The following SREK1IP1 variants were observed in gnomAD, a reference collection of about 807,000 sequenced individuals.
SREK1IP1 encodes SREK1 interacting protein 1, also known as protein SREK1IP1.
In SREK1IP1, 12 loss-of-function variants were observed where a neutral mutation model predicts 22.8. That is an observed-to-expected ratio of 0.53 (90% CI 0.34 to 0.85). The LOEUF is 0.85. Ranked by LOEUF, SREK1IP1 falls within the 40% of genes least tolerant of loss-of-function variation. The pLI, the probability that SREK1IP1 is intolerant of heterozygous loss-of-function variation, is 0.02. For missense variants in SREK1IP1, 147 were observed against 171.8 expected (o/e 0.86, Z 0.81); for synonymous variants, 53 against 52.7 (o/e 1.01, Z -0.02).
chr5:64,724,258 CG>C lies in SREK1IP1; in HGVS notation c.*125del. ...GCCAGAGGGATAATGGTCCCAAATA[CG>C]AAAAATGTCTATATGGAAAAGGCTG... On this transcript the variant is annotated 3_prime_UTR_variant, in exon 5 of 5. Coordinates refer to ENST00000513458, the MANE Select transcript of SREK1IP1 (RefSeq NM_173829.4). 3.6e-6 allele frequency: 3 copies of C among 823,962 alleles called. No homozygotes were observed. In the South Asian group the frequency reaches 7.6e-5, roughly 21 times the overall value. 51.0% of individuals were successfully genotyped at this position (823,962 alleles called of 1,614,324 possible).
intron 3 of SREK1IP1, among the ~76,000 whole-genome samples, chr5:64,740,532 T>C (rs932832433): frequency 6.6e-6 from 1 of 152,164 alleles, no homozygotes; most frequent in Non-Finnish European, 1.5e-5. Context: ...AGGAAATACC[T>C]GGGGAGCTGT....
chr5:64,741,025 A>G (rs1384557802), intron 3 of SREK1IP1, 32 bp downstream of exon 3: 2 of 1,584,588 alleles, frequency 1.3e-6, no homozygotes, highest in African/African-American at 1.4e-5. Flanking sequence ...ATTTACAAAC[A>G]TTTCTAAAGA....
At position 64,721,119 on chromosome 5, in the gene SREK1IP1, C is replaced by T. The variant is rs1257423588; in HGVS notation, c.*3265G>A. The T allele has an allele frequency of 1.3e-5, 2 of 152,230 alleles. No individual in the cohort carries two copies. The highest frequency in any genetic ancestry group is 1.5e-5 in the Non-Finnish European group (1 of 68,050). The allele number at this position is 152,230 out of a possible 1,614,324, so 9.4% of individuals were successfully genotyped here. A position where few individuals can be genotyped will look rare whatever the true frequency, so the allele number is the denominator to read the frequency against. ...CACTACTTTCTCTAGGTAGCCTCTT[C>T]TAATTTATCCAGACTACTTTAGGTA... On this transcript the variant is annotated 3_prime_UTR_variant, in exon 5 of 5. Coordinates refer to ENST00000513458, the MANE Select transcript of SREK1IP1 (RefSeq NM_173829.4).
chr5:64,736,915 CTT>C (rs563372606), intron 3 of SREK1IP1, among the ~76,000 whole-genome samples: 9,224 of 131,184 alleles, frequency 0.07, 927 homozygotes, highest in African/African-American at 0.23. Flanking sequence ...TGTCTCTCTT[CTT>C]TTTTTTTTTT....
intron 1 of SREK1IP1, among the ~76,000 whole-genome samples, chr5:64,758,340 T>C (rs545388929): frequency 2.2e-4 from 33 of 152,208 alleles, no homozygotes; most frequent in Non-Finnish European, 4.3e-4. Flanking sequence ...GGCTAATTTT[T>C]GTATTTTTAG....
intron 1 of SREK1IP1, chr5:64,754,588 C>T (rs1332390621): frequency 2.2e-6 from 1 of 446,140 alleles, no homozygotes; most frequent in Non-Finnish European, 4.1e-6. Flanking sequence ...CTTAGCCTCC[C>T]AAGCAGCTGA....
intron 4 of SREK1IP1, among the ~76,000 whole-genome samples, chr5:64,725,447 A>C (rs1293201245): frequency 6.6e-6 from 1 of 152,168 alleles, no homozygotes; most frequent in East Asian, 1.9e-4. Context: ...AGTGATCTAA[A>C]TATTAGGAGT....
intron 1 of SREK1IP1, among the ~76,000 whole-genome samples, chr5:64,761,383 A>G (rs918704028): frequency 2.0e-5 from 3 of 152,238 alleles, no homozygotes; most frequent in African/African-American, 7.2e-5. Context: ...ACAGGGATAC[A>G]TTCTGAGAAA....
At chr5:64,745,879 T>C (rs564042713) in intron 2 of SREK1IP1, among the ~76,000 whole-genome samples, 2 of 152,208 alleles carry the variant, frequency 1.3e-5, no homozygotes, top group African/African-American at 2.4e-5. Context: ...TGTTGCAAAT[T>C]ACAGTTCTTA....
rs184469069 is a variant in SREK1IP1, at chr5:64,727,322, T to A, written c.278+785A>T. On this transcript the variant is annotated intron_variant, in intron 4 of 4. Transcript: ENST00000513458. ...ATTAACAAGAGAAGTGGCCACTTACTACTTTCAATAACTTCTTTAACCAGT... is the reference window on the plus strand; with the variant it reads ...ATTAACAAGAGAAGTGGCCACTTACAACTTTCAATAACTTCTTTAACCAGT... 3.8e-3 allele frequency among the ~76,000 whole-genome samples: 569 copies of A among 150,690 alleles called. 21 individuals carry two copies. The highest frequency in any genetic ancestry group is 0.013 in the African/African-American group (525 of 40,238).
chr5:64,729,847 T>C (rs1742347168), intron 3 of SREK1IP1, among the ~76,000 whole-genome samples: 1 of 152,102 alleles, frequency 6.6e-6, no homozygotes, highest in South Asian at 2.1e-4. Context: ...GAAGTAAAGA[T>C]TTCAATTTTA....
At chr5:64,751,142 C>T (rs564556808) in intron 2 of SREK1IP1, among the ~76,000 whole-genome samples, 8 of 152,162 alleles carry the variant, frequency 5.3e-5, no homozygotes, top group Non-Finnish European at 8.8e-5. Flanking sequence ...GAACATTTTT[C>T]AGTTCATTTC....
At chr5:64,748,692 A>G (rs80017437) in intron 2 of SREK1IP1, among the ~76,000 whole-genome samples, 4,381 of 152,264 alleles carry the variant, frequency 0.029, 89 homozygotes, top group Non-Finnish European at 0.047. Context: ...AAACACTTGC[A>G]TGAATTCATT....
intron 1 of SREK1IP1, among the ~76,000 whole-genome samples, chr5:64,764,197 G>T (rs932513585): frequency 3.3e-5 from 5 of 152,226 alleles, no homozygotes; most frequent in Non-Finnish European, 7.4e-5. Context: ...TCTGTGTTGG[G>T]CTGCATTCAG....
intron 3 of SREK1IP1, among the ~76,000 whole-genome samples, chr5:64,732,336 A>C (rs960452312): frequency 6.6e-6 from 1 of 152,222 alleles, no homozygotes; most frequent in African/African-American, 2.4e-5. Context: ...TGACCTGACA[A>C]TTTACACAGA....
rs142675548 is a variant in SREK1IP1 at position 64,721,766 on chromosome 5, C to T, written c.*2618G>A. The T allele has an allele frequency of 4.6e-5, 7 of 151,936 alleles. No homozygotes were observed. Among genetic ancestry groups the T allele is most frequent in the Admixed American group, 2.6e-4 (4 of 15,268 alleles). The allele number at this position is 151,936 out of a possible 1,614,324, so 9.4% of individuals were successfully genotyped here. ...CAATTATCTGCTTGAAGAAGTTGAA[C>T]GTGTTTATTATATTAATAAATTCAA... On this transcript the variant is annotated 3_prime_UTR_variant, in exon 5 of 5. Transcript: ENST00000513458.
chr5:64,723,280 T>A lies in SREK1IP1; in HGVS notation c.*1104A>T, dbSNP rs189350218. On this transcript the variant is annotated 3_prime_UTR_variant, in exon 5 of 5. Transcript: ENST00000513458. ...CTCTTAAATTTTAAAAAGTACAGAA[T>A]AAAATTCTCAATTCTTTTTTTGACA... The A allele has an allele frequency of 3.5e-4, 53 of 152,292 alleles. 1 individual carries two copies. The South Asian group carries it at 0.011, about 30-fold the overall frequency. The allele number at this position is 152,292 out of a possible 1,614,324, so 9.4% of individuals were successfully genotyped here.
In SREK1IP1 at chr5:64,722,797, T is replaced by G. The variant is rs1007265157; in HGVS notation, c.*1587A>C. ...TGGCTGCAATGCAGAGGGCTGTGGA[T>G]ACAGCTTCCCTAGAATTTAAGCATG... On this transcript the variant is annotated 3_prime_UTR_variant, in exon 5 of 5. Transcript: ENST00000513458. 1.3e-5 allele frequency: 2 copies of G among 152,208 alleles called. No homozygotes were observed. The allele number at this position is 152,208 out of a possible 1,614,324, so 9.4% of individuals were successfully genotyped here.
intron 1 of SREK1IP1, 77 bp downstream of exon 1, chr5:64,768,428 A>G (rs1178697257): frequency 6.3e-7 from 1 of 1,597,492 alleles, no homozygotes; most frequent in South Asian, 1.1e-5. Context: ...GCTGCTCCGT[A>G]CACGCCGCAC....
Sources: allele counts gnomAD v4.1 joint callset (sites outside exome capture counted in the v4.1 genomes callset), GRCh38; gene constraint gnomAD v4.1.1; transcripts MANE v1.5; gene names NCBI Gene and HGNC (gene_info 2026-07-23, HGNC 2026-07-21).